The following TRIM2 variants were observed in gnomAD, a reference collection of about 807,000 sequenced individuals.
The protein encoded by TRIM2 is tripartite motif-containing protein 2.
TRIM2 carries 20 observed loss-of-function variants against 75.2 expected under a neutral mutation model. The ratio of observed to expected loss-of-function variants is 0.27; its 90% CI spans 0.19 to 0.39. TRIM2 has a LOEUF of 0.39. Among genes scored for constraint, TRIM2 ranks in the 10% least tolerant of loss-of-function variants. The pLI, the probability that TRIM2 is intolerant of heterozygous loss-of-function variation, is 1.00. For synonymous variants in TRIM2, 373 were observed against 388.3 expected (o/e 0.96, Z 0.46); for missense variants, 660 against 990.8 (o/e 0.67, Z 4.48).
chr4:153,176,002 C>A (rs948182310), intron 1 of TRIM2, among the ~76,000 whole-genome samples: 2 of 151,280 alleles, frequency 1.3e-5, no homozygotes, highest in African/African-American at 4.9e-5. Flanking sequence ...CCTGATCGTG[C>A]GTGTGAATAG....
intron 1 of TRIM2, among the ~76,000 whole-genome samples, chr4:153,244,213 CT>C (rs1747670445): frequency 7.3e-6 from 1 of 137,770 alleles, no homozygotes; most frequent in Non-Finnish European, 1.5e-5. Flanking sequence ...TTTCCTTCTC[CT>C]TCCTCTTCTC....
In TRIM2 at chr4:153,311,730, T is replaced by A. The variant is rs995355431; in HGVS notation, c.1511-3755T>A. On this transcript the variant is annotated intron_variant, in intron 6 of 11. Coordinates refer to ENST00000338700, the MANE Select transcript of TRIM2 (RefSeq NM_015271.5). ...ATTCCATGCTTGTGTTTATCAATTT[T>A]TTTTTTTTTTTGTAGAGATGGGTTC... Among the ~76,000 whole-genome samples, 41 of 151,148 alleles carry A rather than the reference T, an allele frequency of 2.7e-4. 1 individual carries two copies. Among genetic ancestry groups the A allele is most frequent in the African/African-American group, 9.7e-4 (40 of 41,054 alleles).
Position 153,244,153 on chromosome 4 carries a change from GTTCTTC to G in TRIM2, c.31-26159_31-26154del, listed in dbSNP as rs751441750. ...TCTTCTTCTTCTTCTTGTTCTTCTT[GTTCTTC>G]TTCTTCTTCTTCTTCTTCTTCTCCT... is the stretch of plus-strand genomic sequence containing the variant. On this transcript the variant is annotated intron_variant, in intron 1 of 11. Coordinates refer to ENST00000338700, the MANE Select transcript of TRIM2 (RefSeq NM_015271.5). 5.8e-4 allele frequency among the ~76,000 whole-genome samples: 65 copies of G among 111,380 alleles called. 1 individual carries two copies. The highest frequency in any genetic ancestry group is 5.4e-3 in the Middle Eastern group (1 of 184). The allele number at this position is 111,380 out of a possible 152,430, so 73.1% of individuals were successfully genotyped here. A position where few individuals can be genotyped will look rare whatever the true frequency, so the allele number is the denominator to read the frequency against.
chr4:153,198,154 A>G (rs922125093), intron 1 of TRIM2, among the ~76,000 whole-genome samples: 4 of 152,192 alleles, frequency 2.6e-5, no homozygotes, highest in African/African-American at 4.8e-5. Flanking sequence ...GGATTCTAAA[A>G]CACATAATTT....
At chr4:153,191,000 T>C (rs963624600) in intron 1 of TRIM2, among the ~76,000 whole-genome samples, 3 of 152,198 alleles carry the variant, frequency 2.0e-5, no homozygotes, top group African/African-American at 4.8e-5. Context: ...CTTCCCAAAG[T>C]GCTGGGATTA....
At chr4:153,258,438 A>G (rs933192354) in intron 1 of TRIM2, among the ~76,000 whole-genome samples, 2 of 151,472 alleles carry the variant, frequency 1.3e-5, no homozygotes, top group African/African-American at 4.8e-5. Context: ...GTTGGTCCTT[A>G]GGTTTGCTTC....
chr4:153,172,141 AT>A (rs11418854), intron 1 of TRIM2, among the ~76,000 whole-genome samples: 61,275 of 148,880 alleles, frequency 0.41, 12,798 homozygotes, highest in South Asian at 0.51. Context: ...TATGATAGTA[AT>A]TTTTTTTTTT....
chr4:153,182,556 A>G (rs1233321522), intron 1 of TRIM2, among the ~76,000 whole-genome samples: 1 of 152,206 alleles, frequency 6.6e-6, no homozygotes, highest in Non-Finnish European at 1.5e-5. Flanking sequence ...ATTCATATAA[A>G]TAAAAGCTGT....
chr4:153,240,945 C>T (rs777906315), intron 1 of TRIM2, among the ~76,000 whole-genome samples: 10 of 152,128 alleles, frequency 6.6e-5, no homozygotes, highest in South Asian at 4.1e-4. Flanking sequence ...GGCGTGGTGA[C>T]GCACAGCTGT....
chr4:153,270,241 A>T, intron 1 of TRIM2, 94 bp from the exon 2 acceptor site: 8 of 1,445,542 alleles, frequency 5.5e-6, no homozygotes, highest in Non-Finnish European at 7.5e-6. Context: ...TTCTACCTTT[A>T]CTTATAGCAC....
chr4:153,214,073 G>A (rs936568455), intron 1 of TRIM2, among the ~76,000 whole-genome samples: 1 of 152,070 alleles, frequency 6.6e-6, no homozygotes, highest in Non-Finnish European at 1.5e-5. Flanking sequence ...CAATATCTGT[G>A]ACCACACCTC....
chr4:153,204,464 G>C lies in TRIM2; in HGVS notation c.-67G>C, dbSNP rs1042787583. On this transcript the variant is annotated 5_prime_UTR_variant, in exon 1 of 12. Coordinates refer to ENST00000338700, the MANE Select transcript of TRIM2 (RefSeq NM_015271.5). Reference sequence around the variant, plus strand: ...ACTCGGCAGCTTGATGACTATAATGGGCCCAGTTGTCTGCGGGCTGCGGGG... The same window carrying C: ...ACTCGGCAGCTTGATGACTATAATGCGCCCAGTTGTCTGCGGGCTGCGGGG... 2 of 1,535,766 alleles carry C rather than the reference G, an allele frequency of 1.3e-6. No homozygotes were observed. The highest frequency in any genetic ancestry group is 8.8e-7 in the Non-Finnish European group (1 of 1,132,744).
At chr4:153,175,590 T>C (rs771562835) in intron 1 of TRIM2, among the ~76,000 whole-genome samples, 1 of 152,134 alleles carries the variant, frequency 6.6e-6, no homozygotes, top group Non-Finnish European at 1.5e-5. Flanking sequence ...ATGGTGAATT[T>C]GGAAGAGTAA....
chr4:153,190,905 T>C (rs762954095), intron 1 of TRIM2, among the ~76,000 whole-genome samples: 1 of 151,972 alleles, frequency 6.6e-6, no homozygotes, highest in Non-Finnish European at 1.5e-5. Flanking sequence ...GCCCAGCCAA[T>C]TTTTGTATTT....
chr4:153,204,473 G>A lies in TRIM2; in HGVS notation c.-58G>A. 6.5e-7 allele frequency: 1 copy of A among 1,547,686 alleles called. No homozygotes were observed. The highest frequency in any genetic ancestry group is 8.7e-7 in the Non-Finnish European group (1 of 1,143,418). On this transcript the variant is annotated 5_prime_UTR_variant, in exon 1 of 12. Coordinates refer to ENST00000338700, the MANE Select transcript of TRIM2 (RefSeq NM_015271.5). Reference sequence around the variant, plus strand: ...CTTGATGACTATAATGGGCCCAGTTGTCTGCGGGCTGCGGGGAGCTAAGTC... The same window carrying A: ...CTTGATGACTATAATGGGCCCAGTTATCTGCGGGCTGCGGGGAGCTAAGTC...
chr4:153,309,009 A>G (rs1765651285), intron 6 of TRIM2, among the ~76,000 whole-genome samples: 2 of 152,218 alleles, frequency 1.3e-5, no homozygotes, highest in Admixed American at 6.5e-5. Flanking sequence ...AGATGCAACT[A>G]ATATTGACTA....
chr4:153,186,227 G>A (rs1423228255), intron 1 of TRIM2, among the ~76,000 whole-genome samples: 2 of 152,096 alleles, frequency 1.3e-5, no homozygotes, highest in African/African-American at 4.8e-5. Context: ...CGTGGTCTGA[G>A]TGCTGGGAAC....
At chr4:153,289,717 A>G (rs1391673776) in intron 3 of TRIM2, among the ~76,000 whole-genome samples, 3 of 152,218 alleles carry the variant, frequency 2.0e-5, no homozygotes, top group African/African-American at 7.2e-5. Flanking sequence ...CTGATTCCCA[A>G]GTAAAATTTG....
At chr4:153,310,140 T>C (rs949497588) in intron 6 of TRIM2, 10 of 152,208 alleles carry the variant, frequency 6.6e-5, no homozygotes, top group Non-Finnish European at 1.5e-4. Context: ...ATGATTTAAT[T>C]ATGGAATTAT....
Sources: gnomAD v4.1 joint callset for allele counts (sites outside exome capture counted in the v4.1 genomes callset) on GRCh38, gnomAD v4.1.1 for gene constraint, MANE v1.5 for transcripts, NCBI Gene and HGNC (gene_info 2026-07-23, HGNC 2026-07-21) for gene names.